Variants in NDRG4 observed in about 807,000 individuals in gnomAD.
NDRG4 encodes protein NDRG4.
NDRG4 carries 38 observed loss-of-function variants against 55.8 expected under a neutral mutation model. That is an observed-to-expected ratio of 0.68 (90% CI 0.53 to 0.89). The LOEUF (loss-of-function observed/expected upper bound fraction) is 0.89. Among genes scored for constraint, NDRG4 ranks in the 40% least tolerant of loss-of-function variants. The probability of loss-of-function intolerance (pLI) is 0.00; values close to 1 mark genes in which losing one functional copy is unlikely to be tolerated. For synonymous variants in NDRG4, 190 were observed against 182.7 expected (o/e 1.04, Z -0.32); for missense variants, 455 against 468.6 (o/e 0.97, Z 0.27).
chr16:58,500,356 A>G (rs745910413), intron 1 of NDRG4, 87 bp downstream of exon 1: 126 of 1,483,362 alleles, frequency 8.5e-5, no homozygotes, highest in Non-Finnish European at 1.0e-4. Flanking sequence ...GCCCCCCTCA[A>G]CCCACATCTG....
Position 58,465,590 on chromosome 16 carries a change from TGA to T in NDRG4, c.-24+1795_-24+1796del, listed in dbSNP as rs368855984. On this transcript the variant is annotated intron_variant, in intron 1 of 15. Coordinates refer to the NDRG4 transcript ENST00000258187. ...GAAGGTGGGGGTGGGGTACGTTGGG[TGA>T]GGTTTTATTAAATCGGCAGTAGCAG... Among the ~76,000 whole-genome samples the T allele has an allele frequency of 5.1e-4, 77 of 150,614 alleles. No homozygotes were observed. In the South Asian group the frequency reaches 0.015, roughly 29 times the overall value.
intron 10 of NDRG4, 33 bp downstream of exon 10, chr16:58,508,032 G>A: frequency 6.6e-7 from 1 of 1,520,080 alleles, no homozygotes; most frequent in Non-Finnish European, 8.9e-7. Context: ...ACTGGGGGTG[G>A]GAGGTAGGGG....
chr16:58,496,740 A>G (rs369805489), upstream of NDRG4, among the ~76,000 whole-genome samples: 13 of 152,194 alleles, frequency 8.5e-5, no homozygotes, highest in East Asian at 2.1e-3. Flanking sequence ...TCATATGGAC[A>G]CTCAGCTGAC....
rs1056936183 is a variant in NDRG4, at chr16:58,501,134, C to A, written c.21+865C>A. On this transcript the variant is annotated intron_variant, in intron 1 of 14. Coordinates refer to ENST00000570248, the MANE Select transcript of NDRG4 (RefSeq NM_001242835.2). The stretch of plus-strand genomic sequence containing the variant: ...GAGGCAGGGGCAGACTCACCCCCAC[C>A]CCCGGGCCCCACACGCCTGCCCTGC... The A allele has an allele frequency of 2.6e-6, 3 of 1,151,700 alleles. No individual in the cohort carries two copies. The Admixed American group carries it at 1.3e-4, about 49-fold the overall frequency. 71.3% of individuals were successfully genotyped at this position (1,151,700 alleles called of 1,614,324 possible).
intron 1 of NDRG4, among the ~76,000 whole-genome samples, chr16:58,469,228 A>G (rs932389864): frequency 6.6e-6 from 1 of 152,222 alleles, no homozygotes; most frequent in Non-Finnish European, 1.5e-5. Flanking sequence ...GGCTGAAAGC[A>G]GGACCCTGGA....
At chr16:58,469,808 C>G (rs941104057) in intron 1 of NDRG4, among the ~76,000 whole-genome samples, 6 of 152,164 alleles carry the variant, frequency 3.9e-5, no homozygotes, top group Non-Finnish European at 5.9e-5. Flanking sequence ...GTTAACTCAT[C>G]ATCATAACAG....
chr16:58,477,834 T>C (rs1305075105), intron 1 of NDRG4, among the ~76,000 whole-genome samples: 3 of 152,150 alleles, frequency 2.0e-5, no homozygotes, highest in Non-Finnish European at 4.4e-5. Context: ...TGTCAAAGTA[T>C]CTTCCCACAC....
At chr16:58,465,144 C>A in intron 1 of NDRG4, 1 of 1,278,662 alleles carries the variant, frequency 7.8e-7, no homozygotes, top group South Asian at 1.2e-5. Flanking sequence ...GTGGAGAGAC[C>A]CAGACAGGAG....
At chr16:58,497,358 A>C (rs1414675999), upstream of NDRG4, among the ~76,000 whole-genome samples, 3 of 152,138 alleles carry the variant, frequency 2.0e-5, no homozygotes, top group Non-Finnish European at 2.9e-5. Flanking sequence ...AGAGGGATAG[A>C]GAGAATGGGT....
In NDRG4 at chr16:58,464,347, G is replaced by T. The variant is rs1233571652; in HGVS notation, c.-24+550G>T. On this transcript the variant is annotated intron_variant, in intron 1 of 15. Transcript: ENST00000258187. This position sits in a 1 kb window ranked among gnomAD's most constrained non-coding sequence, Gnocchi z 4.8. ...CGCGCTCTCCTGCCGCTCCGCTCCG[G>T]GTCTCCCGCGCTCCTCTCCCCGGCT... 5.7e-6 allele frequency: 7 copies of T among 1,230,920 alleles called. No individual in the cohort carries two copies. Among genetic ancestry groups the T allele is most frequent in the Non-Finnish European group, 6.3e-6 (6 of 951,938 alleles). 76.2% of individuals were successfully genotyped at this position (1,230,920 alleles called of 1,614,324 possible). A position where few individuals can be genotyped will look rare whatever the true frequency, so the allele number is the denominator to read the frequency against.
intron 1 of NDRG4, 152 bp downstream of exon 1, chr16:58,500,421 A>T: frequency 9.7e-7 from 1 of 1,026,014 alleles, no homozygotes; most frequent in Non-Finnish European, 1.4e-6. Flanking sequence ...ACACGGCCAG[A>T]GTGCTCCAGG....
At chr16:58,494,832 TAA>T (rs59711785) in intron 2 of NDRG4, 3,283 of 539,922 alleles carry the variant, frequency 6.1e-3, no homozygotes, top group South Asian at 0.015. Flanking sequence ...ACCCTGTCTC[TAA>T]AAAAAAAAAA....
At chr16:58,506,719 TC>T in intron 7 of NDRG4, 105 bp downstream of exon 7, 1 of 1,341,542 alleles carries the variant, frequency 7.5e-7, no homozygotes, top group Non-Finnish European at 1.0e-6. Flanking sequence ...CCTGGCTCAC[TC>T]CAGATGCTAA....
chr16:58,484,529 T>G (rs899457006), intron 1 of NDRG4, among the ~76,000 whole-genome samples: 10 of 152,228 alleles, frequency 6.6e-5, no homozygotes. Flanking sequence ...CTGGTTGCAG[T>G]GGCTCCAGGC....
At chr16:58,491,096 G>GT (rs2035731726) in intron 2 of NDRG4, among the ~76,000 whole-genome samples, 1 of 151,976 alleles carries the variant, frequency 6.6e-6, no homozygotes, top group Non-Finnish European at 1.5e-5. Context: ...GACCAACATG[G>GT]TGAAACCCTG....
In NDRG4 at chr16:58,464,388, C is replaced by T; in HGVS notation, c.-24+591C>T. Reference sequence around the variant, plus strand: ...CTCCCCGGCTCGGCCGAGCGCGCTGCCCCGACGCCGCCACCCAGAGCCGGG... The same window carrying T: ...CTCCCCGGCTCGGCCGAGCGCGCTGTCCCGACGCCGCCACCCAGAGCCGGG... On this transcript the variant is annotated intron_variant, in intron 1 of 15. Coordinates refer to the NDRG4 transcript ENST00000258187. This position sits in a 1 kb window ranked among gnomAD's most constrained non-coding sequence, Gnocchi z 4.8. The T allele has an allele frequency of 7.3e-7, 1 of 1,369,548 alleles. No homozygotes were observed. The highest frequency in any genetic ancestry group is 9.4e-7 in the Non-Finnish European group (1 of 1,065,284). 84.8% of individuals were successfully genotyped at this position (1,369,548 alleles called of 1,614,324 possible). A position where few individuals can be genotyped will look rare whatever the true frequency, so the allele number is the denominator to read the frequency against.
intron 1 of NDRG4, among the ~76,000 whole-genome samples, chr16:58,482,193 T>G (rs1197894404): frequency 9.9e-5 from 15 of 152,188 alleles, no homozygotes; most frequent in Admixed American, 9.8e-4. Context: ...CATTTGCCTG[T>G]GGCATTTCTC....
intron 1 of NDRG4, chr16:58,501,314 G>C (rs1002125648): frequency 2.1e-5 from 8 of 379,850 alleles, no homozygotes; most frequent in Admixed American, 4.5e-5. Context: ...GCAAAGCCCG[G>C]CTCAAAGCCC....
intron 13 of NDRG4, among the ~76,000 whole-genome samples, chr16:58,510,223 T>A (rs569632060): frequency 1.3e-5 from 2 of 152,202 alleles, no homozygotes; most frequent in Non-Finnish European, 2.9e-5. Flanking sequence ...GCACAGAGTC[T>A]GGAATCAGGG....
Sources: allele counts gnomAD v4.1 joint callset (sites outside exome capture counted in the v4.1 genomes callset), GRCh38; gene constraint gnomAD v4.1.1; non-coding constraint Gnocchi (gnomAD v3.1); transcripts MANE v1.5; gene names NCBI Gene and HGNC (gene_info 2026-07-23, HGNC 2026-07-21).